PCDHA13: variants seen among roughly 807,000 people sequenced by gnomAD.
PCDHA13 encodes protocadherin alpha 13.
PCDHA13 carries 54 observed loss-of-function variants against 64.8 expected under a neutral mutation model. The ratio of observed to expected loss-of-function variants is 0.83; its 90% CI spans 0.67 to 1.04. PCDHA13 has a LOEUF of 1.04. Ranked by LOEUF, PCDHA13 falls within the 50% of genes least tolerant of loss-of-function variation. PCDHA13 has a pLI of 0.00. For missense variants in PCDHA13, 1,248 were observed against 1,254.3 expected, an observed-to-expected ratio of 0.99 and a Z score of 0.08; for synonymous variants, 587 against 564.4, an observed-to-expected ratio of 1.04 and a Z score of -0.57.
intron 1 of PCDHA13, among the ~76,000 whole-genome samples, chr5:140,941,255 CTCTT>C (rs1554214207): frequency 2.2e-4 from 10 of 44,514 alleles, no homozygotes; most frequent in East Asian, 7.5e-4. Flanking sequence ...TTCTTTCTTT[CTCTT>C]TCTTTCTTTC....
chr5:140,945,153 C>T (rs996541335), intron 1 of PCDHA13, among the ~76,000 whole-genome samples: 1 of 152,064 alleles, frequency 6.6e-6, no homozygotes, highest in African/African-American at 2.4e-5. Flanking sequence ...TTTCTATACA[C>T]TATTGAACTA....
At chr5:140,988,489 C>G (rs1197670303) in intron 3 of PCDHA13, among the ~76,000 whole-genome samples, 4 of 152,134 alleles carry the variant, frequency 2.6e-5, no homozygotes, top group Non-Finnish European at 5.9e-5. Flanking sequence ...CATCCCCTAC[C>G]TAGGAGAAGC....
At chr5:140,899,654 GTC>G (rs1197760857) in intron 1 of PCDHA13, among the ~76,000 whole-genome samples, 4 of 152,276 alleles carry the variant, frequency 2.6e-5, no homozygotes, top group African/African-American at 9.6e-5. Context: ...ATTTGGTTGT[GTC>G]TCTGCCCGGC....
At chr5:140,969,139 C>T (rs1407003944) in intron 1 of PCDHA13, 5 of 1,614,064 alleles carry the variant, frequency 3.1e-6, no homozygotes, top group Non-Finnish European at 4.2e-6. Context: ...CCAAGACCTA[C>T]TGCTACAAGG....
chr5:140,882,656 C>G lies in PCDHA13; in HGVS notation c.388C>G (p.Pro130Ala). 1.2e-6 allele frequency: 2 copies of G among 1,614,192 alleles called. No homozygotes were observed. Among genetic ancestry groups the G allele is most frequent in the Middle Eastern group, 1.6e-4 (1 of 6,062 alleles). The change falls in exon 1 of 4, where the codon CCG (proline) becomes GCG (alanine). Residue 130 changes from proline to alanine, a missense_variant. By Grantham distance (27) the Pro-to-Ala change is conservative (BLOSUM62 -1). Transcript: ENST00000289272. ...GAAGGTGAGGGACATTAACGACAAC[C>G]CGCCCATATTCCCTGAAAGCAAGAA... ...EVKVRDINDN[P>A]PIFPESKKRI...
intron 1 of PCDHA13, among the ~76,000 whole-genome samples, chr5:140,900,909 G>T (rs1470878423): frequency 1.3e-5 from 2 of 152,184 alleles, no homozygotes; most frequent in Middle Eastern, 3.4e-3. Context: ...TTTAACTGTG[G>T]TAAGATGATA....
chr5:140,898,462 C>T (rs1398136688), intron 1 of PCDHA13, among the ~76,000 whole-genome samples: 7 of 150,224 alleles, frequency 4.7e-5, no homozygotes, highest in African/African-American at 1.5e-4. Flanking sequence ...TTCCCCATTG[C>T]TTGTTTTTCT....
In PCDHA13 at chr5:141,012,204, T is replaced by C. The variant is rs1053312501; in HGVS notation, c.*2267T>C. The C allele has an allele frequency of 1.3e-5, 2 of 153,800 alleles. No homozygotes were observed. Among genetic ancestry groups the C allele is most frequent in the African/African-American group, 4.8e-5 (2 of 41,474 alleles). 9.5% of individuals were successfully genotyped at this position (153,800 alleles called of 1,614,324 possible). On this transcript the variant is annotated 3_prime_UTR_variant, in exon 4 of 4. Transcript: ENST00000289272. ...TATAATGTATCTGTACAGCACTTTT[T>C]ACATTTGCGAAGTGCTTTCCAATCC...
At chr5:140,888,967 G>T (rs1434157317) in intron 1 of PCDHA13, among the ~76,000 whole-genome samples, 1 of 152,000 alleles carries the variant, frequency 6.6e-6, no homozygotes, top group African/African-American at 2.4e-5. Flanking sequence ...CAATGTTAAT[G>T]TGTTGAATTT....
chr5:140,887,781 T>C (rs2061576427), intron 1 of PCDHA13, among the ~76,000 whole-genome samples: 2 of 152,338 alleles, frequency 1.3e-5, no homozygotes, highest in African/African-American at 4.8e-5. Flanking sequence ...ACACAGGTCA[T>C]TGAAGCGTTC....
chr5:141,001,159 G>A (rs1332533329), intron 3 of PCDHA13, among the ~76,000 whole-genome samples: 2 of 152,076 alleles, frequency 1.3e-5, no homozygotes, highest in Non-Finnish European at 2.9e-5. Context: ...ATCTTAATAA[G>A]TAAAATTTAA....
At chr5:140,985,020 C>G (rs1361661147) in intron 3 of PCDHA13, among the ~76,000 whole-genome samples, 1 of 152,110 alleles carries the variant, frequency 6.6e-6, no homozygotes, top group Non-Finnish European at 1.5e-5. Flanking sequence ...TCACAGCAAC[C>G]TCTGCCTCCT....
At position 140,968,861 on chromosome 5, in the gene PCDHA13, C is replaced by G; in HGVS notation, c.2395-10088C>G. 1.9e-6 allele frequency: 3 copies of G among 1,614,182 alleles called. No homozygotes were observed. In the South Asian group the frequency reaches 3.3e-5, roughly 18 times the overall value. ...CACTCAGAGGCATGTTAAGAGCCCT[C>G]GGACATACTCTGAAATTACCCTTTA... is the stretch of plus-strand genomic sequence containing the variant. On this transcript the variant is annotated intron_variant, in intron 1 of 3. Coordinates refer to ENST00000289272, the MANE Select transcript of PCDHA13 (RefSeq NM_018904.3).
At chr5:140,899,193 G>T (rs2153463118) in intron 1 of PCDHA13, among the ~76,000 whole-genome samples, 1 of 151,990 alleles carries the variant, frequency 6.6e-6, no homozygotes, top group Middle Eastern at 3.4e-3. Context: ...TCCTTCTCCT[G>T]CCTAATTGCC....
At chr5:140,946,875 G>C (rs1283632599) in intron 1 of PCDHA13, among the ~76,000 whole-genome samples, 2 of 151,288 alleles carry the variant, frequency 1.3e-5, no homozygotes, top group Non-Finnish European at 3.0e-5. Context: ...TGGTCAATGG[G>C]TACGAAGTTA....
chr5:140,910,766 T>C (rs2075154722), intron 1 of PCDHA13, among the ~76,000 whole-genome samples: 2 of 152,198 alleles, frequency 1.3e-5, no homozygotes, highest in South Asian at 2.1e-4. Context: ...CTTTTTAAAC[T>C]CCCCAAGCTG....
At chr5:140,949,691 T>C (rs2094413493) in intron 1 of PCDHA13, among the ~76,000 whole-genome samples, 1 of 151,872 alleles carries the variant, frequency 6.6e-6, no homozygotes, top group Non-Finnish European at 1.5e-5. Context: ...AAGCGTATTG[T>C]TGGATCTTGC....
chr5:140,915,373 C>T (rs1234241584), intron 1 of PCDHA13, among the ~76,000 whole-genome samples: 12 of 152,126 alleles, frequency 7.9e-5, no homozygotes, highest in African/African-American at 2.2e-4. Flanking sequence ...GTAAGTGTCT[C>T]GGCATTGAAG....
intron 1 of PCDHA13, among the ~76,000 whole-genome samples, chr5:140,957,571 G>A (rs2095367794): frequency 6.6e-6 from 1 of 152,068 alleles, no homozygotes; most frequent in African/African-American, 2.4e-5. Flanking sequence ...AGGGACTACT[G>A]TACTTTTAAC....
Sources: gnomAD v4.1 joint callset for allele counts (sites outside exome capture counted in the v4.1 genomes callset) on GRCh38, gnomAD v4.1.1 for gene constraint, MANE v1.5 for transcripts, NCBI Gene and HGNC (gene_info 2026-07-23, HGNC 2026-07-21) for gene names.